PRKG1: variants seen among roughly 807,000 people sequenced by gnomAD.
The protein encoded by PRKG1 is cGMP-dependent protein kinase 1.
In PRKG1, 35 loss-of-function variants were observed where a neutral mutation model predicts 88.1. That is an observed-to-expected ratio of 0.40 (90% CI 0.30 to 0.53). PRKG1 has a LOEUF of 0.53. PRKG1 is among the 20% of genes least tolerant of loss of function. The pLI is 0.59. For synonymous variants in PRKG1, 303 were observed against 292.5 expected (o/e 1.04, Z -0.37); for missense variants, 540 against 839.8 (o/e 0.64, Z 4.41).
intron 2 of PRKG1, among the ~76,000 whole-genome samples, chr10:51,368,150 ACT>A (rs1336850026): frequency 6.6e-6 from 1 of 151,312 alleles, no homozygotes; most frequent in Non-Finnish European, 1.5e-5. Flanking sequence ...CTACAAATAA[ACT>A]CTTTTATTTT....
At chr10:51,696,354 C>T (rs1841292953) in intron 3 of PRKG1, 1 of 151,942 alleles carries the variant, frequency 6.6e-6, no homozygotes, top group African/African-American at 2.4e-5. Flanking sequence ...TTAGTGAAAC[C>T]TTCCACTACT....
intron 12 of PRKG1, among the ~76,000 whole-genome samples, chr10:52,280,226 GT>G (rs1287001818): frequency 6.6e-6 from 1 of 152,122 alleles, no homozygotes; most frequent in Non-Finnish European, 1.5e-5. Flanking sequence ...AAACAGAAGA[GT>G]ACTTAGCTTG....
At chr10:51,158,742 T>C (rs1170955393) in intron 2 of PRKG1, among the ~76,000 whole-genome samples, 1 of 152,096 alleles carries the variant, frequency 6.6e-6, no homozygotes, top group Non-Finnish European at 1.5e-5. Context: ...AATTCCACCA[T>C]GTACCTTGGA....
rs186293954 is a variant in PRKG1, at chr10:51,010,137, C to T, written c.266+18493C>T. ...GAATTTTCCAGGGCCATTGTTTGTGCGAAGTTGTGTTAAGAATGTAGGTTG... is the reference window on the plus strand; with the variant it reads ...GAATTTTCCAGGGCCATTGTTTGTGTGAAGTTGTGTTAAGAATGTAGGTTG... On this transcript the variant is annotated intron_variant, in intron 1 of 17. Coordinates refer to the PRKG1 transcript ENST00000401604. Among the ~76,000 whole-genome samples the T allele has an allele frequency of 4.6e-3, 707 of 152,248 alleles. 5 individuals carry two copies. The highest frequency in any genetic ancestry group is 0.016 in the African/African-American group (682 of 41,542).
intron 4 of PRKG1, among the ~76,000 whole-genome samples, chr10:51,815,304 T>C: frequency 6.6e-6 from 1 of 152,220 alleles, no homozygotes; most frequent in South Asian, 2.1e-4. Context: ...GTAAAATGTT[T>C]TGTACACAGA....
intron 2 of PRKG1, among the ~76,000 whole-genome samples, chr10:51,194,117 C>G (rs1294096731): frequency 6.6e-6 from 1 of 152,066 alleles, no homozygotes; most frequent in Admixed American, 6.6e-5. Context: ...ATATTTCACC[C>G]CTTTGGTAAT....
chr10:52,017,361 C>T (rs1564431428), intron 5 of PRKG1, among the ~76,000 whole-genome samples: 1 of 152,114 alleles, frequency 6.6e-6, no homozygotes, highest in African/African-American at 2.4e-5. Context: ...AGTGTCATGG[C>T]TTGAACAGGT....
chr10:51,321,848 G>C (rs1316115160), intron 2 of PRKG1, among the ~76,000 whole-genome samples: 1 of 151,946 alleles, frequency 6.6e-6, no homozygotes, highest in African/African-American at 2.4e-5. Flanking sequence ...TGCATGCCTG[G>C]ATCAAAATAT....
intron 1 of PRKG1, among the ~76,000 whole-genome samples, chr10:51,099,169 G>A (rs1844615936): frequency 1.3e-5 from 2 of 152,052 alleles, no homozygotes; most frequent in African/African-American, 4.8e-5. Context: ...ATCTAAAGGA[G>A]CCCTTCTCTG....
At chr10:51,106,447 C>T (rs536225014) in intron 1 of PRKG1, among the ~76,000 whole-genome samples, 1 of 152,228 alleles carries the variant, frequency 6.6e-6, no homozygotes, top group Non-Finnish European at 1.5e-5. Context: ...CTGAGAAATT[C>T]CAAGAAACTC....
chr10:51,840,827 T>A (rs942030512), intron 4 of PRKG1, among the ~76,000 whole-genome samples: 3 of 152,148 alleles, frequency 2.0e-5, no homozygotes, highest in Non-Finnish European at 4.4e-5. Context: ...ATTACAGGTA[T>A]GACCCACAAC....
At chr10:52,175,104 T>C (rs530829579) in intron 9 of PRKG1, among the ~76,000 whole-genome samples, 5 of 152,090 alleles carry the variant, frequency 3.3e-5, no homozygotes, top group Non-Finnish European at 7.4e-5. Flanking sequence ...GCTGCAATTC[T>C]GTGTCCTTTA....
chr10:51,093,048 G>C (rs150422680), intron 1 of PRKG1, among the ~76,000 whole-genome samples: 1 of 152,122 alleles, frequency 6.6e-6, no homozygotes, highest in Admixed American at 6.6e-5. Context: ...CGTTGTGCAG[G>C]TTGATACTGT....
At chr10:51,154,813 C>G (rs1294402309) in intron 2 of PRKG1, among the ~76,000 whole-genome samples, 4 of 151,864 alleles carry the variant, frequency 2.6e-5, no homozygotes, top group Non-Finnish European at 5.9e-5. Context: ...ACATAATGTA[C>G]ACTTGGCAGA....
At chr10:51,923,127 T>A (rs1435417585) in intron 5 of PRKG1, among the ~76,000 whole-genome samples, 2 of 152,098 alleles carry the variant, frequency 1.3e-5, no homozygotes, top group Non-Finnish European at 2.9e-5. Flanking sequence ...GGACAATTGA[T>A]CCTTTATCAT....
At chr10:51,531,683 C>T (rs1263197339) in intron 3 of PRKG1, among the ~76,000 whole-genome samples, 1 of 114,450 alleles carries the variant, frequency 8.7e-6, no homozygotes, top group East Asian at 3.4e-4. Flanking sequence ...TCACTCTTGT[C>T]CTCCAGGCTG....
At chr10:51,967,892 A>G (rs1589465881) in intron 5 of PRKG1, among the ~76,000 whole-genome samples, 1 of 151,946 alleles carries the variant, frequency 6.6e-6, no homozygotes. Flanking sequence ...TCAGTTCATC[A>G]CCTGCTTTAG....
chr10:51,330,034 T>C (rs1446064080), intron 2 of PRKG1, among the ~76,000 whole-genome samples: 1 of 151,110 alleles, frequency 6.6e-6, no homozygotes, highest in Non-Finnish European at 1.5e-5. Context: ...ACTGTTTTTT[T>C]AAAATAAATG....
chr10:51,425,216 A>G (rs1288994509), intron 2 of PRKG1, among the ~76,000 whole-genome samples: 1 of 152,210 alleles, frequency 6.6e-6, no homozygotes, highest in Admixed American at 6.5e-5. Context: ...TTTAGTCTTT[A>G]TAGTAATCTC....
Sources: allele counts gnomAD v4.1 joint callset (sites outside exome capture counted in the v4.1 genomes callset), GRCh38; gene constraint gnomAD v4.1.1; transcripts MANE v1.5; gene names NCBI Gene and HGNC (gene_info 2026-07-23, HGNC 2026-07-21).